Variants in BOD1L1 observed in about 807,000 individuals in gnomAD.
BOD1L1 encodes the protein biorientation of chromosomes in cell division protein 1-like 1.
In BOD1L1, 86 loss-of-function variants were observed where a neutral mutation model predicts 240.7. That is an observed-to-expected ratio of 0.36 (90% CI 0.30 to 0.43). The LOEUF (loss-of-function observed/expected upper bound fraction) is 0.43, where lower values mean the gene tolerates loss of function less well. Among genes scored for constraint, BOD1L1 ranks in the 20% least tolerant of loss-of-function variants. BOD1L1 has a pLI of 1.00. For missense variants in BOD1L1, 3,554 were observed against 3,643.5 expected (o/e 0.98, Z 0.63); for synonymous variants, 1,268 against 1,272.3 (o/e 1.00, Z 0.07).
In BOD1L1 at chr4:13,601,969, C is replaced by T. The variant is rs750323320; in HGVS notation, c.4931G>A (p.Ser1644Asn). The change falls in exon 10 of 26, where the codon AGC becomes AAC. Residue 1644 changes from serine to asparagine, a missense_variant. This residue lies in a region of BOD1L1 where 3,393 missense variants were observed against 3,427.1 expected (regional missense o/e 0.99). Coordinates refer to ENST00000040738, the MANE Select transcript of BOD1L1 (RefSeq NM_148894.3). ...ATCATCCTTTTCCTCTGTCACAACGCTATTTACATTGGCTTCGATTTTAAC... is the reference window on the plus strand; with the variant it reads ...ATCATCCTTTTCCTCTGTCACAACGTTATTTACATTGGCTTCGATTTTAAC... ...HAVKIEANVN[S>N]VVTEEKDDAV... is the part of the protein sequence containing the mutation. 9 of 1,613,986 alleles carry T rather than the reference C, an allele frequency of 5.6e-6. No homozygotes were observed. The highest frequency in any genetic ancestry group is 7.6e-6 in the Non-Finnish European group (9 of 1,179,898).
rs1478934351 is a variant in BOD1L1 at position 13,600,354 on chromosome 4, T to G, written c.6546A>C (p.Pro2182=). The part of the protein sequence containing the change: ...AAAVEERATG[P]VLISTADFEG... ...CAAAGTCGGCGGTGCTTATCAAGAC[T>G]GGACCTGTAGCCCTTTCTTCCACTG... Residue 2182 remains proline (P), a synonymous_variant, in exon 10 of 26, where the codon CCA becomes CCC. Coordinates refer to ENST00000040738, the MANE Select transcript of BOD1L1 (RefSeq NM_148894.3). The G allele has an allele frequency of 2.2e-5, 36 of 1,614,046 alleles. No individual in the cohort carries two copies. The highest frequency in any genetic ancestry group is 2.6e-5 in the Non-Finnish European group (31 of 1,179,908).
In BOD1L1 at chr4:13,569,286, A is replaced by T. The variant is rs1164878449; in HGVS notation, c.*725T>A. On this transcript the variant is annotated 3_prime_UTR_variant, in exon 26 of 26. Transcript: ENST00000040738. The stretch of plus-strand genomic sequence containing the variant: ...CTGAACCAGAACCTGTTTTGTGTCA[A>T]CGTGGCTGGTAGTAAAGTCACAGAT... 6.6e-6 allele frequency: 1 copy of T among 152,226 alleles called. No homozygotes were observed. Among genetic ancestry groups the T allele is most frequent in the Non-Finnish European group, 1.5e-5 (1 of 68,044 alleles). 9.4% of individuals were successfully genotyped at this position (152,226 alleles called of 1,614,324 possible).
At chr4:13,591,222 G>A (rs1714185766) in intron 13 of BOD1L1, among the ~76,000 whole-genome samples, 1 of 151,962 alleles carries the variant, frequency 6.6e-6, no homozygotes, top group Non-Finnish European at 1.5e-5. Context: ...TTTAACTCTT[G>A]GATGGCAAAC....
chr4:13,580,305 T>C (rs1002662730), intron 21 of BOD1L1, among the ~76,000 whole-genome samples: 1 of 152,218 alleles, frequency 6.6e-6, no homozygotes, highest in Non-Finnish European at 1.5e-5. Flanking sequence ...TTTTGTCTTA[T>C]AATAATTCTA....
intron 20 of BOD1L1, 37 bp downstream of exon 20, chr4:13,581,095 T>A (rs1713192236): frequency 1.9e-6 from 3 of 1,565,120 alleles, no homozygotes; most frequent in South Asian, 1.2e-5. Context: ...GTTCGAAAAT[T>A]TCTTGTGTGT....
intron 2 of BOD1L1, among the ~76,000 whole-genome samples, chr4:13,618,588 T>C (rs750360102): frequency 2.0e-4 from 30 of 152,224 alleles, no homozygotes; most frequent in Non-Finnish European, 3.7e-4. Flanking sequence ...CCTGGACTCT[T>C]TTACAGGTTC....
rs751909184 is a variant in BOD1L1, at chr4:13,601,476, A to T, written c.5424T>A (p.Gly1808=). 29 of 1,613,736 alleles carry T rather than the reference A, an allele frequency of 1.8e-5. No individual in the cohort carries two copies. Among genetic ancestry groups the T allele is most frequent in the Non-Finnish European group, 2.1e-5 (25 of 1,179,872 alleles). Residue 1808 remains glycine (G), a synonymous_variant, in exon 10 of 26, where the codon GGT becomes GGA. Coordinates refer to ENST00000040738, the MANE Select transcript of BOD1L1 (RefSeq NM_148894.3). ...CAAAGCCTTCGCTGCTATCTTCTGA[A>T]CCTGTGCAACTTGCTGGCCCCTCTC... is the stretch of plus-strand genomic sequence containing the variant. The part of the protein sequence containing the change: ...EDGEGPASCT[G]SEDSSEGFAI...
At chr4:13,573,224 T>G (rs1311041241) in intron 25 of BOD1L1, among the ~76,000 whole-genome samples, 2 of 152,162 alleles carry the variant, frequency 1.3e-5, no homozygotes, top group Admixed American at 6.5e-5. Context: ...AGTAGTCAAC[T>G]GCACAAGAAT....
At chr4:13,597,534 G>T (rs1714723800) in intron 10 of BOD1L1, among the ~76,000 whole-genome samples, 1 of 152,148 alleles carries the variant, frequency 6.6e-6, no homozygotes, top group Admixed American at 6.5e-5. Context: ...TCTCAGTAAA[G>T]GTGATTTATT....
chr4:13,614,910 T>C, intron 3 of BOD1L1, 100 bp from the exon 4 acceptor site: 2 of 1,237,118 alleles, frequency 1.6e-6, no homozygotes, highest in Non-Finnish European at 2.2e-6. Flanking sequence ...ATGATGCATA[T>C]GCTGTGCAGA....
Position 13,609,386 on chromosome 4 carries a change from C to T in BOD1L1, c.1512G>A (p.Arg504=), listed in dbSNP as rs1443562187. ...RQSIAKEKEE[R]LLRRQINREK... is the part of the protein sequence containing the mutation. ...CTCTATTGATTTGCCTTCTTAAAAG[C>T]CTCTCTTCTTTTTCTTTGGCCTAAA... The change falls in exon 7 of 26, where the codon AGG becomes AGA. Residue 504 remains arginine, a synonymous_variant. Coordinates refer to ENST00000040738, the MANE Select transcript of BOD1L1 (RefSeq NM_148894.3). 2.2e-5 allele frequency: 33 copies of T among 1,525,894 alleles called. No homozygotes were observed. Among genetic ancestry groups the T allele is most frequent in the Non-Finnish European group, 2.9e-5 (33 of 1,139,166 alleles). 94.5% of individuals were successfully genotyped at this position (1,525,894 alleles called of 1,614,324 possible).
chr4:13,591,746 G>A (rs1714237189), intron 13 of BOD1L1, among the ~76,000 whole-genome samples, 177 bp downstream of exon 13: 1 of 152,316 alleles, frequency 6.6e-6, no homozygotes, highest in Admixed American at 6.5e-5. Flanking sequence ...AAAAGAGCTA[G>A]TGAAAGCTGC....
chr4:13,584,441 A>T lies in BOD1L1; in HGVS notation c.8434-1705T>A, dbSNP rs201925947. Among the ~76,000 whole-genome samples the T allele has an allele frequency of 4.7e-3, 638 of 134,886 alleles. 5 individuals carry two copies. The highest frequency in any genetic ancestry group is 0.016 in the Admixed American group (214 of 13,402). The allele number at this position is 134,886 out of a possible 152,430, so 88.5% of individuals were successfully genotyped here. ...GTGGCGGGGAGAGAAAGAGAGAGAG[A>T]GTGTGTGTGTGTGTGTGTGTGTGTG... On this transcript the variant is annotated intron_variant, in intron 17 of 25. Coordinates refer to ENST00000040738, the MANE Select transcript of BOD1L1 (RefSeq NM_148894.3).
chr4:13,568,848 A>C lies in BOD1L1; in HGVS notation c.*1163T>G, dbSNP rs1387736040. ...TCAAAATAAAAAAAAAAACCCATAC[A>C]CACTGAATGTAAATTTTAATTATAA... On this transcript the variant is annotated 3_prime_UTR_variant, in exon 26 of 26. Coordinates refer to ENST00000040738, the MANE Select transcript of BOD1L1 (RefSeq NM_148894.3). The C allele has an allele frequency of 6.6e-6, 1 of 152,296 alleles. No individual in the cohort carries two copies. Among genetic ancestry groups the C allele is most frequent in the African/African-American group, 2.4e-5 (1 of 41,436 alleles). 9.4% of individuals were successfully genotyped at this position (152,296 alleles called of 1,614,324 possible). A position where few individuals can be genotyped will look rare whatever the true frequency, so the allele number is the denominator to read the frequency against.
chr4:13,590,370 A>T lies in BOD1L1; in HGVS notation c.8209+16T>A. 7.2e-7 allele frequency: 1 copy of T among 1,384,064 alleles called. No individual in the cohort carries two copies. The highest frequency in any genetic ancestry group is 1.5e-5 in the African/African-American group (1 of 68,646). 85.7% of individuals were successfully genotyped at this position (1,384,064 alleles called of 1,614,324 possible). On this transcript the variant is annotated intron_variant, in intron 14 of 25. Coordinates refer to ENST00000040738, the MANE Select transcript of BOD1L1 (RefSeq NM_148894.3). ...CTATAATATTAAAACTATAACTATGAAATTCATTAACTTACCTCCTTTGTT... is the reference window on the plus strand; with the variant it reads ...CTATAATATTAAAACTATAACTATGTAATTCATTAACTTACCTCCTTTGTT...
rs1716506164 is a variant in BOD1L1 at position 13,615,364 on chromosome 4, A to G, written c.507T>C (p.Ser169=). Residue 169 remains serine, a synonymous_variant, in exon 3 of 26, where the codon AGT becomes AGC. Transcript: ENST00000040738. Reference sequence around the variant, plus strand: ...TCTCATCATCGGGAGCTGTGTTGCCACTTCCTTCCTCTTTGTGATTTAGCG... The same window carrying G: ...TCTCATCATCGGGAGCTGTGTTGCCGCTTCCTTCCTCTTTGTGATTTAGCG... ...LATLNHKEEG[S]GNTAPDDEKP... 6.2e-7 allele frequency: 1 copy of G among 1,613,630 alleles called. No individual in the cohort carries two copies. The highest frequency in any genetic ancestry group is 8.5e-7 in the Non-Finnish European group (1 of 1,179,696).
At chr4:13,577,138 A>G in intron 24 of BOD1L1, 147 bp from the exon 25 acceptor site, 1 of 1,003,572 alleles carries the variant, frequency 1.0e-6, no homozygotes, top group Non-Finnish European at 1.4e-6. Context: ...AGCACTTGCA[A>G]TTCACAACTG....
At position 13,604,971 on chromosome 4, in the gene BOD1L1, T is replaced by A; in HGVS notation, c.1929A>T (p.Glu643Asp). 1 of 1,613,740 alleles carries A rather than the reference T, an allele frequency of 6.2e-7. No individual in the cohort carries two copies. Among genetic ancestry groups the A allele is most frequent in the Non-Finnish European group, 8.5e-7 (1 of 1,179,772 alleles). The change falls in exon 10 of 26, where the codon GAA becomes GAT. Residue 643 changes from glutamate to aspartate, a missense_variant. Transcript: ENST00000040738. ...RLSESLHVVDENKNESKLERE... is the reference protein window; with the variant it reads ...RLSESLHVVDDNKNESKLERE... ...TTTCTAATTTGGATTCATTTTTGTT[T>A]TCGTCAACTACATGCAAAGACTCTG...
intron 1 of BOD1L1, chr4:13,625,891 A>G (rs116675301): frequency 2.0e-5 from 3 of 152,192 alleles, no homozygotes; most frequent in Non-Finnish European, 4.4e-5. Context: ...TGGGCCCAGT[A>G]TGAGTCCTTA....
Sources: gnomAD v4.1 joint callset for allele counts (sites outside exome capture counted in the v4.1 genomes callset) on GRCh38, gnomAD v4.1.1 for gene constraint, gnomAD v4.1.1 regional missense constraint, MANE v1.5 for transcripts, NCBI Gene and HGNC (gene_info 2026-07-23, HGNC 2026-07-21) for gene names.